PCDHGA9: variants seen among roughly 807,000 people sequenced by gnomAD.
PCDHGA9 encodes the protein protocadherin gamma-A9.
A neutral mutation model predicts 62.5 loss-of-function variants in PCDHGA9; 37 were observed. The observed-to-expected ratio is 0.59, with a 90% CI of 0.46 to 0.78. The LOEUF is 0.78. Ranked by LOEUF, PCDHGA9 falls within the 30% of genes least tolerant of loss-of-function variation. The probability of loss-of-function intolerance (pLI) is 0.00; values close to 1 mark genes in which losing one functional copy is unlikely to be tolerated. For missense variants in PCDHGA9, 1,138 were observed against 1,166.2 expected (o/e 0.98, Z 0.35); for synonymous variants, 459 against 484.6 (o/e 0.95, Z 0.69).
chr5:141,468,853 G>A (rs893773356), intron 1 of PCDHGA9, among the ~76,000 whole-genome samples: 7 of 151,000 alleles, frequency 4.6e-5, no homozygotes, highest in Admixed American at 6.6e-5. Context: ...GCAACAGAGC[G>A]AGACTCCATC....
Position 141,443,253 on chromosome 5 carries a change from G to A in PCDHGA9, c.2424+37877G>A, listed in dbSNP as rs192939862. 1.8e-4 allele frequency among the ~76,000 whole-genome samples: 28 copies of A among 152,214 alleles called. No individual in the cohort carries two copies. The Middle Eastern group carries it at 0.014, about 74-fold the overall frequency. On this transcript the variant is annotated intron_variant, in intron 1 of 3. Transcript: ENST00000573521. Reference sequence around the variant, plus strand: ...CTTAGCACTTTGGGGCGCCAAGGCGGGTGGATCACTTGAGCCCAGGAGTTT... The same window carrying A: ...CTTAGCACTTTGGGGCGCCAAGGCGAGTGGATCACTTGAGCCCAGGAGTTT...
intron 1 of PCDHGA9, among the ~76,000 whole-genome samples, chr5:141,455,997 A>C (rs1373055623): frequency 1.3e-5 from 2 of 151,626 alleles, no homozygotes. Context: ...TCTCGGGTTC[A>C]TGCCATTCTC....
chr5:141,407,676 T>C (rs990367714), intron 1 of PCDHGA9, among the ~76,000 whole-genome samples: 1 of 152,162 alleles, frequency 6.6e-6, no homozygotes, highest in African/African-American at 2.4e-5. Flanking sequence ...TAAACAAAGA[T>C]TGGCTTTGTG....
At chr5:141,430,567 A>G in intron 1 of PCDHGA9, 1 of 434,308 alleles carries the variant, frequency 2.3e-6, no homozygotes, top group Non-Finnish European at 3.9e-6. Context: ...GGGGAGAGAA[A>G]AGCGGAGATC....
intron 1 of PCDHGA9, among the ~76,000 whole-genome samples, chr5:141,492,893 C>T (rs936521362): frequency 2.0e-5 from 3 of 152,178 alleles, no homozygotes; most frequent in Admixed American, 6.5e-5. Flanking sequence ...AGGCTTTTGG[C>T]GCCGTCGTGA....
Position 141,485,616 on chromosome 5 carries a change from C to T in PCDHGA9, c.2425-9191C>T. On this transcript the variant is annotated intron_variant, in intron 1 of 3. Coordinates refer to ENST00000573521, the MANE Select transcript of PCDHGA9 (RefSeq NM_018921.3). This position sits in a 1 kb window ranked among gnomAD's most constrained non-coding sequence, Gnocchi z 5.7. ...TTGGAAATTGGGGAGGCAGCTCCTCCAGGACAGCGTTTCCCGTTGGAAAAG... is the reference window on the plus strand; with the variant it reads ...TTGGAAATTGGGGAGGCAGCTCCTCTAGGACAGCGTTTCCCGTTGGAAAAG... 1 of 1,612,210 alleles carries T rather than the reference C, an allele frequency of 6.2e-7. No individual in the cohort carries two copies.
In PCDHGA9 at chr5:141,486,056, C is replaced by T; in HGVS notation, c.2425-8751C>T. 6.2e-7 allele frequency: 1 copy of T among 1,614,170 alleles called. No homozygotes were observed. The highest frequency in any genetic ancestry group is 8.5e-7 in the Non-Finnish European group (1 of 1,180,026). ...TGATCGTGTAAGAAACCTCTTTAGC[C>T]TGCACCCCACTACTGGAAAGCTTAC... On this transcript the variant is annotated intron_variant, in intron 1 of 3. Transcript: ENST00000573521. The surrounding 1 kb of genome is among the most constrained non-coding windows in gnomAD (Gnocchi z 5.0).
chr5:141,470,035 G>A lies in PCDHGA9; in HGVS notation c.2425-24772G>A, dbSNP rs761812438. ...TCCCAGCTACTCGGGATGCTGAGGC[G>A]CGAGAACTGTTTGAACCCCGGAGGC... On this transcript the variant is annotated intron_variant, in intron 1 of 3. Transcript: ENST00000573521. Among the ~76,000 whole-genome samples, 97 of 152,224 alleles carry A rather than the reference G, an allele frequency of 6.4e-4. 2 individuals carry two copies. Among genetic ancestry groups the A allele is most frequent in the East Asian group, 1.2e-3 (6 of 5,170 alleles).
chr5:141,410,579 G>A (rs760249748), intron 1 of PCDHGA9: 17 of 1,610,792 alleles, frequency 1.1e-5, no homozygotes, highest in Non-Finnish European at 1.4e-5. Context: ...TCCACCTCAT[G>A]GTGGGGAGGA....
intron 1 of PCDHGA9, chr5:141,418,522 C>A: frequency 6.2e-7 from 1 of 1,614,000 alleles, no homozygotes; most frequent in Non-Finnish European, 8.5e-7. Flanking sequence ...GGGACCCTCC[C>A]CGAAGCGGTA....
chr5:141,419,217 G>A (rs1407588828), intron 1 of PCDHGA9: 1 of 1,613,936 alleles, frequency 6.2e-7, no homozygotes, highest in Admixed American at 1.7e-5. Context: ...CCGGTTTTCG[G>A]ACAGTCAGCC....
At chr5:141,458,075 A>G (rs1301404730) in intron 1 of PCDHGA9, among the ~76,000 whole-genome samples, 2 of 152,234 alleles carry the variant, frequency 1.3e-5, no homozygotes, top group Non-Finnish European at 2.9e-5. Flanking sequence ...GAACAACTAT[A>G]TTGCCGTAAG....
At chr5:141,447,283 G>T (rs1194678678) in intron 1 of PCDHGA9, among the ~76,000 whole-genome samples, 1 of 152,122 alleles carries the variant, frequency 6.6e-6, no homozygotes, top group East Asian at 1.9e-4. Context: ...GGGACTACAG[G>T]CACATGCCAC....
Position 141,404,552 on chromosome 5 carries a change from G to A in PCDHGA9, c.1600G>A (p.Ala534Thr). The A allele has an allele frequency of 6.2e-7, 1 of 1,613,826 alleles. No homozygotes were observed. The highest frequency in any genetic ancestry group is 8.5e-7 in the Non-Finnish European group (1 of 1,179,718). Reference sequence around the variant, plus strand: ...TAGAGATTTGCAAATGCAGGTGACGGCAAGTGACAGTGGAAGCCCACCACT... The same window carrying A: ...TAGAGATTTGCAAATGCAGGTGACGACAAGTGACAGTGGAAGCCCACCACT... ...QFRDLQMQVT[A>T]SDSGSPPLSS... Residue 534 changes from alanine to threonine, a missense_variant, in exon 1 of 4, where the codon GCA becomes ACA. By Grantham distance (58) the Ala-to-Thr change is moderately conservative. Coordinates refer to ENST00000573521, the MANE Select transcript of PCDHGA9 (RefSeq NM_018921.3).
In PCDHGA9 at chr5:141,490,413, G is replaced by C. The variant is rs2233606; in HGVS notation, c.2425-4394G>C. 6 of 1,614,128 alleles carry C rather than the reference G, an allele frequency of 3.7e-6. No individual in the cohort carries two copies. In the South Asian group the frequency reaches 4.4e-5, roughly 12 times the overall value. On this transcript the variant is annotated intron_variant, in intron 1 of 3. Transcript: ENST00000573521. The surrounding 1 kb of genome is among the most constrained non-coding windows in gnomAD (Gnocchi z 5.4). ...GTGAAGTGAGCCTTGATATCTCTCCGGACCTGCCATTTCAGATTAAGCCTT... is the reference window on the plus strand; with the variant it reads ...GTGAAGTGAGCCTTGATATCTCTCCCGACCTGCCATTTCAGATTAAGCCTT...
chr5:141,405,401 TC>T (rs1176566209), intron 1 of PCDHGA9, 25 bp downstream of exon 1: 1 of 1,591,534 alleles, frequency 6.3e-7, no homozygotes, highest in Non-Finnish European at 8.6e-7. Flanking sequence ...TTTCTTTCTT[TC>T]TTTTCTTTTT....
chr5:141,420,336 T>C, intron 1 of PCDHGA9: 1 of 1,399,186 alleles, frequency 7.1e-7, no homozygotes, highest in East Asian at 2.5e-5. Flanking sequence ...TATTCCAATA[T>C]AGTGGTATTA....
At chr5:141,498,372 C>A (rs1008996197) in intron 2 of PCDHGA9, among the ~76,000 whole-genome samples, 3 of 151,730 alleles carry the variant, frequency 2.0e-5, no homozygotes, top group Admixed American at 1.3e-4. Flanking sequence ...GTGGTGAGGC[C>A]TCCTGGGATC....
intron 1 of PCDHGA9, among the ~76,000 whole-genome samples, chr5:141,459,249 A>G (rs901058693): frequency 6.6e-6 from 1 of 152,218 alleles, no homozygotes; most frequent in Non-Finnish European, 1.5e-5. Flanking sequence ...TCCTGTCACT[A>G]TAAATTAGTG....
Sources: allele counts gnomAD v4.1 joint callset (sites outside exome capture counted in the v4.1 genomes callset), GRCh38; gene constraint gnomAD v4.1.1; non-coding constraint Gnocchi (gnomAD v3.1); transcripts MANE v1.5; gene names NCBI Gene and HGNC (gene_info 2026-07-23, HGNC 2026-07-21).